SHANK2: variants seen among roughly 807,000 people sequenced by gnomAD.
SHANK2 encodes SH3 and multiple ankyrin repeat domains protein 2.
SHANK2 carries 43 observed loss-of-function variants against 133.7 expected under a neutral mutation model. The ratio of observed to expected loss-of-function variants is 0.32; its 90% CI spans 0.25 to 0.41. The LOEUF (loss-of-function observed/expected upper bound fraction) is 0.41, where lower values mean the gene tolerates loss of function less well. Among genes scored for constraint, SHANK2 ranks in the 10% least tolerant of loss-of-function variants. The pLI is 1.00. For missense variants in SHANK2, 1,994 were observed against 2,235.8 expected, an observed-to-expected ratio of 0.89 and a Z score of 2.18; for synonymous variants, 1,017 against 952.8, an observed-to-expected ratio of 1.07 and a Z score of -1.24.
intron 10 of SHANK2, among the ~76,000 whole-genome samples, chr11:70,952,416 C>T (rs988872360): frequency 5.3e-5 from 8 of 152,194 alleles, no homozygotes; most frequent in African/African-American, 1.7e-4. Context: ...TAGTCCTTTG[C>T]CAATTCCCAG....
At chr11:70,866,366 AT>A (rs1375232616) in intron 11 of SHANK2, among the ~76,000 whole-genome samples, 1 of 152,160 alleles carries the variant, frequency 6.6e-6, no homozygotes, top group South Asian at 2.1e-4. Context: ...ACCGAGACTC[AT>A]TTTTGAGAGA....
intron 1 of SHANK2, among the ~76,000 whole-genome samples, chr11:71,250,881 G>T (rs545573736): frequency 8.5e-5 from 13 of 152,110 alleles, no homozygotes; most frequent in Non-Finnish European, 1.5e-4. Context: ...GGGGACTTCC[G>T]AAATTACCTC....
At chr11:70,852,910 G>A (rs1949110152) in intron 11 of SHANK2, among the ~76,000 whole-genome samples, 2 of 152,210 alleles carry the variant, frequency 1.3e-5, no homozygotes, top group Admixed American at 6.5e-5. Context: ...GCCAGGGGAG[G>A]GGTTGCCTTG....
intron 2 of SHANK2, among the ~76,000 whole-genome samples, chr11:71,187,651 T>C (rs571878375): frequency 6.6e-6 from 1 of 152,210 alleles, no homozygotes; most frequent in African/African-American, 2.4e-5. Flanking sequence ...ATGTCAGGAA[T>C]GTACAGACCC....
At chr11:70,848,190 C>A (rs1016933542) in intron 11 of SHANK2, among the ~76,000 whole-genome samples, 1 of 152,192 alleles carries the variant, frequency 6.6e-6, no homozygotes, top group Non-Finnish European at 1.5e-5. Context: ...TCACTGCTGC[C>A]TAAAAAAGAA....
chr11:70,614,861 C>T (rs1002117287), intron 17 of SHANK2, among the ~76,000 whole-genome samples: 12 of 152,214 alleles, frequency 7.9e-5, no homozygotes, highest in East Asian at 1.9e-4. Context: ...CTTAACAACA[C>T]GGGAGTACTG....
chr11:70,900,876 G>A (rs1484785715), intron 10 of SHANK2, among the ~76,000 whole-genome samples: 1 of 152,088 alleles, frequency 6.6e-6, no homozygotes, highest in Non-Finnish European at 1.5e-5. Flanking sequence ...CTCAGTGTCA[G>A]GCTGGTGTCA....
chr11:71,130,331 C>G (rs1361532224), intron 3 of SHANK2, among the ~76,000 whole-genome samples: 1 of 152,114 alleles, frequency 6.6e-6, no homozygotes, highest in African/African-American at 2.4e-5. Context: ...AGCAAACCAG[C>G]GCCGAAAAGT....
At chr11:70,656,799 T>C (rs1555011746) in intron 17 of SHANK2, among the ~76,000 whole-genome samples, 1 of 152,182 alleles carries the variant, frequency 6.6e-6, no homozygotes, top group African/African-American at 2.4e-5. Flanking sequence ...AAGCCTTTGA[T>C]TGTGGTTGGT....
At chr11:71,238,213 G>A (rs1239229735) in intron 1 of SHANK2, among the ~76,000 whole-genome samples, 3 of 152,236 alleles carry the variant, frequency 2.0e-5, no homozygotes, top group Non-Finnish European at 4.4e-5. Context: ...TGCTCTGCCT[G>A]TAACAGGACC....
At chr11:70,598,209 G>A (rs2136303600) in intron 17 of SHANK2, among the ~76,000 whole-genome samples, 1 of 152,230 alleles carries the variant, frequency 6.6e-6, no homozygotes, top group South Asian at 2.1e-4. Flanking sequence ...ACGAATGACT[G>A]AGGTCATTTG....
intron 2 of SHANK2, among the ~76,000 whole-genome samples, chr11:71,181,825 C>T (rs1451794649): frequency 1.3e-5 from 2 of 152,044 alleles, no homozygotes; most frequent in Admixed American, 6.5e-5. Context: ...TTCCCAGCCC[C>T]CCCTCCCCCG....
intron 9 of SHANK2, among the ~76,000 whole-genome samples, chr11:71,063,040 GAA>G (rs1354819116): frequency 0.02 from 2,882 of 145,082 alleles, 46 homozygotes; most frequent in Middle Eastern, 0.06. Context: ...GAGAGAAAGA[GAA>G]AGAGAGAGAA....
At chr11:70,944,803 A>ACTC (rs2135861169) in intron 10 of SHANK2, among the ~76,000 whole-genome samples, 1 of 151,428 alleles carries the variant, frequency 6.6e-6, no homozygotes, top group South Asian at 2.1e-4. Flanking sequence ...CTACAAGATG[A>ACTC]CTCCTCCAAT....
intron 11 of SHANK2, among the ~76,000 whole-genome samples, chr11:70,835,002 G>A (rs74344478): frequency 0.085 from 12,895 of 152,208 alleles, 613 homozygotes; most frequent in Middle Eastern, 0.18. Context: ...GGGGGGCAGC[G>A]GGGAGGAGCT....
At chr11:70,904,510 G>GTTTTTT (rs11336653) in intron 10 of SHANK2, among the ~76,000 whole-genome samples, 1 of 136,294 alleles carries the variant, frequency 7.3e-6, no homozygotes, top group Admixed American at 7.3e-5. Flanking sequence ...GATCTGATGG[G>GTTTTTT]TTTTTTTTTT....
intron 6 of SHANK2, among the ~76,000 whole-genome samples, chr11:71,102,679 G>A (rs1555096899): frequency 1.3e-5 from 2 of 152,164 alleles, no homozygotes; most frequent in Non-Finnish European, 2.9e-5. Context: ...CCCCGACCTG[G>A]GCCTGCCTGG....
chr11:70,514,617 G>C (rs575421474), intron 17 of SHANK2, among the ~76,000 whole-genome samples: 1 of 152,274 alleles, frequency 6.6e-6, no homozygotes, highest in Admixed American at 6.5e-5. Flanking sequence ...TATGGTTGCT[G>C]GGTTTTTATA....
chr11:70,727,180 A>T (rs1555030901), intron 14 of SHANK2, among the ~76,000 whole-genome samples: 2 of 152,272 alleles, frequency 1.3e-5, no homozygotes, highest in African/African-American at 4.8e-5. Context: ...CAAAATGGAG[A>T]TGACAAATCT....
Sources: allele counts gnomAD v4.1 joint callset (sites outside exome capture counted in the v4.1 genomes callset), GRCh38; gene constraint gnomAD v4.1.1; transcripts MANE v1.5; gene names NCBI Gene and HGNC (gene_info 2026-07-23, HGNC 2026-07-21).